MMP24: variants seen among roughly 807,000 people sequenced by gnomAD.
MMP24 encodes matrix metalloproteinase-24.
Under a neutral mutation model 62.8 loss-of-function variants are expected in MMP24, and 25 were observed. The observed-to-expected ratio is 0.40, with a 90% CI of 0.29 to 0.56. The LOEUF (loss-of-function observed/expected upper bound fraction) is 0.56. Among genes scored for constraint, MMP24 ranks in the 20% least tolerant of loss-of-function variants. The probability of loss-of-function intolerance (pLI) is 0.50; values close to 1 mark genes in which losing one functional copy is unlikely to be tolerated. For missense variants in MMP24, 634 were observed against 853.6 expected, an observed-to-expected ratio of 0.74 and a Z score of 3.21; for synonymous variants, 319 against 350.5, an observed-to-expected ratio of 0.91 and a Z score of 1.00.
At chr20:35,249,206 T>C (rs540528682) in intron 2 of MMP24, among the ~76,000 whole-genome samples, 1 of 152,292 alleles carries the variant, frequency 6.6e-6, no homozygotes, top group South Asian at 2.1e-4. Flanking sequence ...AATGGCTGCC[T>C]TTCTCTGAGC....
In MMP24 at chr20:35,276,615, A is replaced by C; in HGVS notation, c.*2006A>C. 1 of 238,902 alleles carries C rather than the reference A, an allele frequency of 4.2e-6. No homozygotes were observed. Among genetic ancestry groups the C allele is most frequent in the Non-Finnish European group, 8.0e-6 (1 of 124,692 alleles). 14.8% of individuals were successfully genotyped at this position (238,902 alleles called of 1,614,324 possible). ...TTCCCCCACTTCCTGGTCCCTGTCCACTCCTCAGGTTGGTGCTCTCACTTC... is the reference window on the plus strand; with the variant it reads ...TTCCCCCACTTCCTGGTCCCTGTCCCCTCCTCAGGTTGGTGCTCTCACTTC... On this transcript the variant is annotated 3_prime_UTR_variant, in exon 9 of 9. Transcript: ENST00000246186.
intron 1 of MMP24, among the ~76,000 whole-genome samples, chr20:35,227,398 C>T (rs2060419290): frequency 6.6e-6 from 1 of 150,896 alleles, no homozygotes. Context: ...AGGGGGAGGG[C>T]GGAGGAAGGA....
chr20:35,269,482 C>T lies in MMP24; in HGVS notation c.1195-278C>T, dbSNP rs1303604988. Among the ~76,000 whole-genome samples, 1 of 152,206 alleles carries T rather than the reference C, an allele frequency of 6.6e-6. No homozygotes were observed. Among genetic ancestry groups the T allele is most frequent in the Admixed American group, 6.5e-5 (1 of 15,278 alleles). ...CCCATGTGGCCACTCCAGGCCCCAA[C>T]ATCATCCTTTCCGGCTCCCTCACAC... is the stretch of plus-strand genomic sequence containing the variant. On this transcript the variant is annotated intron_variant, in intron 6 of 8. Transcript: ENST00000246186. This position sits in a 1 kb window ranked among gnomAD's most constrained non-coding sequence, Gnocchi z 4.6.
rs559501003 is a variant in MMP24 at position 35,257,326 on chromosome 20, G to A, written c.817+2572G>A. ...TTTCCTTTGCCCTGGTATCTCTCCCGTATGTCCTGCATGTATTCCTGGCTG... is the reference window on the plus strand; with the variant it reads ...TTTCCTTTGCCCTGGTATCTCTCCCATATGTCCTGCATGTATTCCTGGCTG... On this transcript the variant is annotated intron_variant, in intron 4 of 8. Coordinates refer to ENST00000246186, the MANE Select transcript of MMP24 (RefSeq NM_006690.4). Among the ~76,000 whole-genome samples, 14 of 152,154 alleles carry A rather than the reference G, an allele frequency of 9.2e-5. No homozygotes were observed. The East Asian group carries it at 1.9e-3, about 21-fold the overall frequency.
chr20:35,253,897 C>G (rs1168844914), intron 3 of MMP24, among the ~76,000 whole-genome samples: 1 of 131,434 alleles, frequency 7.6e-6, no homozygotes, highest in African/African-American at 3.3e-5. Context: ...GAGACAGAGT[C>G]TCACTCTTGT....
At chr20:35,251,880 G>A (rs1171830699) in intron 2 of MMP24, 25 bp from the exon 3 acceptor site, 5 of 1,564,354 alleles carry the variant, frequency 3.2e-6, no homozygotes, top group Non-Finnish European at 4.4e-6. Context: ...GCATATGCGT[G>A]TGTGTGTGTC....
rs1252093776 is a variant in MMP24, at chr20:35,254,702, C to T, written c.765C>T (p.Asp255=). ...AYFPGPGIGG[D]THFDSDEPWT... ...TCCCTGGCCCAGGGATTGGAGGAGA[C>T]ACCCACTTTGACTCCGATGAGCCAT... Residue 255 remains aspartate, a synonymous_variant, in exon 4 of 9, where the codon GAC becomes GAT. Coordinates refer to ENST00000246186, the MANE Select transcript of MMP24 (RefSeq NM_006690.4). The T allele has an allele frequency of 1.9e-6, 3 of 1,614,154 alleles. No individual in the cohort carries two copies. Among genetic ancestry groups the T allele is most frequent in the Non-Finnish European group, 2.5e-6 (3 of 1,180,022 alleles).
intron 1 of MMP24, among the ~76,000 whole-genome samples, chr20:35,244,850 A>T (rs1355983877): frequency 1.3e-5 from 2 of 152,162 alleles, no homozygotes. Context: ...TCTTTAAAAA[A>T]ATCACTCCAT....
chr20:35,266,380 G>T (rs1201938231), intron 5 of MMP24, among the ~76,000 whole-genome samples: 1 of 150,342 alleles, frequency 6.7e-6, no homozygotes, highest in Non-Finnish European at 1.5e-5. Flanking sequence ...AAAAAAGTTG[G>T]AGAGCTGGCC....
chr20:35,263,253 T>C (rs1156257195), intron 4 of MMP24: 1 of 151,092 alleles, frequency 6.6e-6, no homozygotes, highest in Non-Finnish European at 1.5e-5. Flanking sequence ...TTCCTTTGTA[T>C]GGCATTAAGC....
At chr20:35,257,141 T>G (rs1757196067) in intron 4 of MMP24, among the ~76,000 whole-genome samples, 1 of 152,208 alleles carries the variant, frequency 6.6e-6, no homozygotes, top group Non-Finnish European at 1.5e-5. Flanking sequence ...CTTTATATCA[T>G]CGCATGGATT....
intron 1 of MMP24, among the ~76,000 whole-genome samples, chr20:35,245,980 T>A (rs879467537): frequency 6.6e-6 from 1 of 152,150 alleles, no homozygotes; most frequent in Non-Finnish European, 1.5e-5. Flanking sequence ...AATAAGATCA[T>A]GCATTGTTTT....
chr20:35,273,595 T>G (rs1391245787), intron 8 of MMP24, among the ~76,000 whole-genome samples: 1 of 151,964 alleles, frequency 6.6e-6, no homozygotes, highest in Non-Finnish European at 1.5e-5. Flanking sequence ...CAGAGACAGG[T>G]GACATCAAGG....
In MMP24 at chr20:35,276,430, C is replaced by T. The variant is rs11555916; in HGVS notation, c.*1821C>T. ...CTCGTGTTAGGCCCTGGGAGGCCGACGGTAACTCTCACCGTGCCCTCAGAT... is the reference window on the plus strand; with the variant it reads ...CTCGTGTTAGGCCCTGGGAGGCCGATGGTAACTCTCACCGTGCCCTCAGAT... On this transcript the variant is annotated 3_prime_UTR_variant, in exon 9 of 9. Coordinates refer to ENST00000246186, the MANE Select transcript of MMP24 (RefSeq NM_006690.4). 1.5e-5 allele frequency: 6 copies of T among 397,806 alleles called. No individual in the cohort carries two copies. The highest frequency in any genetic ancestry group is 7.1e-5 in the East Asian group (2 of 28,066). The allele number at this position is 397,806 out of a possible 1,614,324, so 24.6% of individuals were successfully genotyped here.
At chr20:35,254,336 GA>G in intron 3 of MMP24, 113 bp from the exon 4 acceptor site, 1 of 1,079,534 alleles carries the variant, frequency 9.3e-7, no homozygotes, top group South Asian at 1.5e-5. Context: ...CAGCTAAGCA[GA>G]ATTCTAGGGT....
At chr20:35,267,168 G>C (rs114123284) in intron 5 of MMP24, 37 bp from the exon 6 acceptor site, 2 of 1,507,034 alleles carry the variant, frequency 1.3e-6, no homozygotes, top group South Asian at 2.4e-5. Context: ...GGCGGGAAAC[G>C]GCTGCCCCCT....
intron 1 of MMP24, among the ~76,000 whole-genome samples, chr20:35,245,178 C>T (rs908131054): frequency 6.6e-6 from 1 of 152,112 alleles, no homozygotes; most frequent in Non-Finnish European, 1.5e-5. Context: ...GGGTGCACAC[C>T]AGCATGCACA....
chr20:35,259,755 G>A (rs768479434), intron 4 of MMP24, among the ~76,000 whole-genome samples: 2 of 152,148 alleles, frequency 1.3e-5, no homozygotes, highest in Non-Finnish European at 2.9e-5. Flanking sequence ...GAGTAGCCGA[G>A]TAGACTGCTG....
At chr20:35,263,708 G>C (rs989558391) in intron 4 of MMP24, 83 bp from the exon 5 acceptor site, 1 of 1,233,950 alleles carries the variant, frequency 8.1e-7, no homozygotes. Flanking sequence ...GCCCGTGCTC[G>C]GTGTTTGCTG....
Sources: allele counts gnomAD v4.1 joint callset (sites outside exome capture counted in the v4.1 genomes callset), GRCh38; gene constraint gnomAD v4.1.1; non-coding constraint Gnocchi (gnomAD v3.1); transcripts MANE v1.5; gene names NCBI Gene and HGNC (gene_info 2026-07-23, HGNC 2026-07-21).